The following LRP1B variants were observed in gnomAD, a reference collection of about 807,000 sequenced individuals.
The protein encoded by LRP1B is LDL receptor related protein 1B.
In LRP1B, 217 loss-of-function variants were observed where a neutral mutation model predicts 556.6. The ratio of observed to expected loss-of-function variants is 0.39; its 90% confidence interval spans 0.35 to 0.44. LRP1B has a LOEUF of 0.44. LRP1B is among the 20% of genes least tolerant of loss of function. The pLI, the probability that LRP1B is intolerant of heterozygous loss-of-function variation, is 1.00. For synonymous variants in LRP1B, 2,047 were observed against 1,865.8 expected, an observed-to-expected ratio of 1.10 and a Z score of -2.50; for missense variants, 5,053 against 5,620.8, an observed-to-expected ratio of 0.90 and a Z score of 3.23.
Position 140,700,326 on chromosome 2 carries a change from G to T in LRP1B, c.6723C>A (p.Ile2241=), listed in dbSNP as rs1686586048. 6.2e-7 allele frequency: 1 copy of T among 1,612,730 alleles called. No homozygotes were observed. Among genetic ancestry groups the T allele is most frequent in the Non-Finnish European group, 8.5e-7 (1 of 1,179,312 alleles). Residue 2241 remains isoleucine (I), a synonymous_variant, in exon 41 of 91, where the codon ATC becomes ATA. Coordinates refer to ENST00000389484, the MANE Select transcript of LRP1B (RefSeq NM_018557.3). Reference sequence around the variant, plus strand: ...TTCCAAAGTGTGCATCACTGTAAAAGATTCGGTTGGTACCTTTTCTTCTTT... The same window carrying T: ...TTCCAAAGTGTGCATCACTGTAAAATATTCGGTTGGTACCTTTTCTTCTTT... ...YNQRRKGTNR[I]FYSDAHFGNI...
chr2:140,795,671 A>G (rs1690278549), intron 32 of LRP1B, among the ~76,000 whole-genome samples: 1 of 152,110 alleles, frequency 6.6e-6, no homozygotes, highest in African/African-American at 2.4e-5. Context: ...ATAGCCCCCA[A>G]AATTTCTATA....
chr2:140,837,419 G>C (rs999719666), intron 31 of LRP1B, among the ~76,000 whole-genome samples: 1 of 152,130 alleles, frequency 6.6e-6, no homozygotes, highest in Admixed American at 6.6e-5. Context: ...ATGAATGTTT[G>C]ACTCACAGCC....
At chr2:140,824,568 G>A (rs1691440515) in intron 31 of LRP1B, among the ~76,000 whole-genome samples, 1 of 152,050 alleles carries the variant, frequency 6.6e-6, no homozygotes, top group African/African-American at 2.4e-5. Context: ...AAATTTAGAA[G>A]TGTAACATTT....
intron 68 of LRP1B, among the ~76,000 whole-genome samples, chr2:140,373,860 A>G (rs1403160764): frequency 1.3e-5 from 2 of 152,184 alleles, no homozygotes; most frequent in Non-Finnish European, 2.9e-5. Context: ...GGCTAAGGAT[A>G]TGGAATGTGA....
chr2:140,483,182 A>G (rs1219298600), intron 59 of LRP1B, among the ~76,000 whole-genome samples: 1 of 152,150 alleles, frequency 6.6e-6, no homozygotes, highest in African/African-American at 2.4e-5. Context: ...AATATGACAT[A>G]TCTATATCAT....
At chr2:140,779,279 C>A (rs1158199267) in intron 32 of LRP1B, among the ~76,000 whole-genome samples, 1 of 152,136 alleles carries the variant, frequency 6.6e-6, no homozygotes, top group Non-Finnish European at 1.5e-5. Flanking sequence ...TCCTTCTTTG[C>A]AAACTACCAT....
At chr2:141,768,144 C>T (rs1346356939) in intron 2 of LRP1B, among the ~76,000 whole-genome samples, 5 of 152,078 alleles carry the variant, frequency 3.3e-5, no homozygotes. Context: ...TGCATTGTGT[C>T]AATGACAAGT....
chr2:141,421,385 C>T (rs1041596018), intron 3 of LRP1B, among the ~76,000 whole-genome samples: 11 of 151,532 alleles, frequency 7.3e-5, no homozygotes, highest in Non-Finnish European at 1.5e-4. Context: ...AAAAATTAGC[C>T]GGGCGTAGTG....
rs538059404 is a variant in LRP1B at position 141,580,343 on chromosome 2, G to A, written c.206-99810C>T. Among the ~76,000 whole-genome samples the A allele has an allele frequency of 2.1e-3, 320 of 152,264 alleles. 2 individuals are homozygous for A. Among genetic ancestry groups the A allele is most frequent in the African/African-American group, 7.1e-3 (296 of 41,558 alleles). ...TAATTACAATGGCAACTTCTTGGACGTAACTAAACCCCAATTTTGCAGAGC... is the reference window on the plus strand; with the variant it reads ...TAATTACAATGGCAACTTCTTGGACATAACTAAACCCCAATTTTGCAGAGC... On this transcript the variant is annotated intron_variant, in intron 2 of 90. Coordinates refer to ENST00000389484, the MANE Select transcript of LRP1B (RefSeq NM_018557.3).
chr2:141,217,592 GA>G (rs1573667198), intron 6 of LRP1B, among the ~76,000 whole-genome samples: 1 of 152,080 alleles, frequency 6.6e-6, no homozygotes, highest in Admixed American at 6.5e-5. Flanking sequence ...ATTAACTCAA[GA>G]TGGATTAAAA....
At chr2:140,804,646 CT>C (rs1300734717) in intron 32 of LRP1B, among the ~76,000 whole-genome samples, 1 of 87,146 alleles carries the variant, frequency 1.1e-5, no homozygotes, top group Non-Finnish European at 2.3e-5. Context: ...TAGGTAAAAA[CT>C]AATTTTTTTT....
intron 2 of LRP1B, among the ~76,000 whole-genome samples, chr2:141,662,620 G>A (rs950754023): frequency 6.6e-6 from 1 of 151,914 alleles, no homozygotes; most frequent in African/African-American, 2.4e-5. Flanking sequence ...AATTCAACAG[G>A]AAGAGCTAAC....
intron 2 of LRP1B, among the ~76,000 whole-genome samples, chr2:141,496,134 C>T (rs529975920): frequency 2.0e-5 from 3 of 152,016 alleles, no homozygotes; most frequent in Admixed American, 6.6e-5. Flanking sequence ...TCAAGGGTTT[C>T]GTCTTCCTTG....
chr2:141,320,655 T>C (rs1687206437), intron 3 of LRP1B, among the ~76,000 whole-genome samples: 1 of 152,106 alleles, frequency 6.6e-6, no homozygotes, highest in African/African-American at 2.4e-5. Flanking sequence ...TAAGATATTT[T>C]ACGAGAATAG....
intron 1 of LRP1B, among the ~76,000 whole-genome samples, chr2:142,045,701 C>CT (rs1340875947): frequency 6.6e-6 from 1 of 151,850 alleles, no homozygotes; most frequent in Non-Finnish European, 1.5e-5. Flanking sequence ...TACATTCTCT[C>CT]TATCTTTTAA....
chr2:141,203,335 A>G (rs1174478539), intron 6 of LRP1B, among the ~76,000 whole-genome samples: 1 of 152,102 alleles, frequency 6.6e-6, no homozygotes. Context: ...AAGTAAAGGG[A>G]TGGAAGAATA....
chr2:140,366,997 G>A (rs1199670036), intron 71 of LRP1B, among the ~76,000 whole-genome samples: 1 of 151,652 alleles, frequency 6.6e-6, no homozygotes, highest in Non-Finnish European at 1.5e-5. Context: ...TTTGAGATCG[G>A]AGCAAAATGA....
chr2:140,505,454 C>T (rs980978258), intron 53 of LRP1B, among the ~76,000 whole-genome samples: 1 of 152,182 alleles, frequency 6.6e-6, no homozygotes. Context: ...CTTCTCAGCT[C>T]TGATCTCATT....
chr2:140,649,860 T>C (rs969044064), intron 41 of LRP1B, among the ~76,000 whole-genome samples: 1 of 152,200 alleles, frequency 6.6e-6, no homozygotes, highest in Non-Finnish European at 1.5e-5. Flanking sequence ...ATGGTTATAG[T>C]TTGGCAATAA....
Sources: allele counts gnomAD v4.1 joint callset (sites outside exome capture counted in the v4.1 genomes callset), GRCh38; gene constraint gnomAD v4.1.1; transcripts MANE v1.5; gene names NCBI Gene and HGNC (gene_info 2026-07-23, HGNC 2026-07-21).